Variants in WDFY3 observed in about 807,000 individuals in gnomAD.
WDFY3 encodes WD repeat and FYVE domain containing 3.
WDFY3 carries 66 observed loss-of-function variants against 409.6 expected under a neutral mutation model. That is an observed-to-expected ratio of 0.16 (90% CI 0.13 to 0.20). The LOEUF (loss-of-function observed/expected upper bound fraction) is 0.20, where lower values mean the gene tolerates loss of function less well. Ranked by LOEUF, WDFY3 falls within the 10% of genes least tolerant of loss-of-function variation. The pLI is 1.00. For synonymous variants in WDFY3, 1,521 were observed against 1,537.1 expected, an observed-to-expected ratio of 0.99 and a Z score of 0.25; for missense variants, 3,031 against 4,298.1, an observed-to-expected ratio of 0.71 and a Z score of 8.24.
chr4:84,902,237 C>G (rs1299326560), intron 2 of WDFY3, among the ~76,000 whole-genome samples: 1 of 152,146 alleles, frequency 6.6e-6, no homozygotes, highest in East Asian at 1.9e-4. Context: ...CATGAGAAAT[C>G]TGTAAACTGT....
At chr4:84,674,970 A>G (rs1323152111) in intron 67 of WDFY3, among the ~76,000 whole-genome samples, 1 of 149,856 alleles carries the variant, frequency 6.7e-6, no homozygotes, top group Non-Finnish European at 1.5e-5. Context: ...TTTTAAATTT[A>G]TTATCTATTT....
intron 24 of WDFY3, among the ~76,000 whole-genome samples, chr4:84,784,186 A>G (rs541450118): frequency 2.6e-5 from 4 of 152,226 alleles, no homozygotes; most frequent in South Asian, 2.1e-4. Context: ...CCCCAACTCC[A>G]TAACACTGGA....
rs113458286 is a variant in WDFY3, at chr4:84,943,068, C to T, written c.-225-10705G>A. Reference sequence around the variant, plus strand: ...ATCAACTACTCCTCTCTTCCTCCTCCTCTTCGGCCAACTCAGTGTGAAGAC... The same window carrying T: ...ATCAACTACTCCTCTCTTCCTCCTCTTCTTCGGCCAACTCAGTGTGAAGAC... On this transcript the variant is annotated intron_variant, in intron 1 of 67. Coordinates refer to ENST00000295888, the MANE Select transcript of WDFY3 (RefSeq NM_014991.6). Among the ~76,000 whole-genome samples, 66 of 152,354 alleles carry T rather than the reference C, an allele frequency of 4.3e-4. 1 individual carries two copies. The highest frequency in any genetic ancestry group is 1.4e-3 in the African/African-American group (58 of 41,578).
rs1725287643 is a variant in WDFY3 at position 84,670,442 on chromosome 4, A to G, written c.*2426T>C. The G allele has an allele frequency of 6.5e-6, 1 of 152,686 alleles. No homozygotes were observed. Among genetic ancestry groups the G allele is most frequent in the African/African-American group, 2.4e-5 (1 of 41,466 alleles). The allele number at this position is 152,686 out of a possible 1,614,324, so 9.5% of individuals were successfully genotyped here. The stretch of plus-strand genomic sequence containing the variant: ...TGTTGATTTCTGCATTAGAGGCAAA[A>G]AGAAAAGAAACCCGATTGAACAAAA... On this transcript the variant is annotated 3_prime_UTR_variant, in exon 68 of 68. Transcript: ENST00000295888.
At chr4:84,927,281 G>A (rs995652427) in intron 2 of WDFY3, among the ~76,000 whole-genome samples, 2 of 151,816 alleles carry the variant, frequency 1.3e-5, no homozygotes, top group Non-Finnish European at 2.9e-5. Flanking sequence ...GATATTCTTA[G>A]ACTAAATTTA....
Position 84,889,598 on chromosome 4 carries a change from ATATGAATTTCAAATTCTGTTCC to A in WDFY3, c.-32+7291_-32+7312del, listed in dbSNP as rs567019304. ...GCAAAAAAGTTCTGGTGTCAGGCAG[ATATGAATTTCAAATTCTGTTCC>A]TATGAATTTCAAATTCTGTTCCTCC... On this transcript the variant is annotated intron_variant, in intron 3 of 67. Coordinates refer to ENST00000295888, the MANE Select transcript of WDFY3 (RefSeq NM_014991.6). Among the ~76,000 whole-genome samples, 272 of 152,340 alleles carry A rather than the reference ATATGAATTTCAAATTCTGTTCC, an allele frequency of 1.8e-3. 2 individuals carry two copies. The highest frequency in any genetic ancestry group is 5.4e-3 in the African/African-American group (225 of 41,596).
intron 2 of WDFY3, among the ~76,000 whole-genome samples, chr4:84,921,419 T>TATA (rs1174065500): frequency 6.6e-6 from 1 of 152,016 alleles, no homozygotes; most frequent in Non-Finnish European, 1.5e-5. Context: ...ACTCTATTAG[T>TATA]AAAACAGAGA....
chr4:84,869,364 G>A (rs548257607), intron 3 of WDFY3, among the ~76,000 whole-genome samples: 21 of 151,924 alleles, frequency 1.4e-4, no homozygotes, highest in Non-Finnish European at 2.4e-4. Flanking sequence ...GTATCTTCAC[G>A]CCCCCTGCAT....
intron 27 of WDFY3, among the ~76,000 whole-genome samples, chr4:84,775,732 G>A (rs1457971939): frequency 6.6e-6 from 1 of 151,536 alleles, no homozygotes; most frequent in Non-Finnish European, 1.5e-5. Context: ...ATTCAAATGT[G>A]ATGAAAATGA....
intron 10 of WDFY3, 128 bp downstream of exon 10, chr4:84,826,686 AC>A (rs1319780671): frequency 2.2e-5 from 20 of 915,920 alleles, no homozygotes; most frequent in Middle Eastern, 7.7e-4. Flanking sequence ...TAAAAAAAAA[AC>A]AAGCTTTAAG....
chr4:84,860,677 C>A, intron 3 of WDFY3, 55 bp from the exon 4 acceptor site: 2 of 1,379,966 alleles, frequency 1.4e-6, no homozygotes, highest in Admixed American at 2.7e-5. Flanking sequence ...TTGACTAGGT[C>A]AAGCATGCAT....
At chr4:84,875,305 C>T (rs185750144) in intron 3 of WDFY3, among the ~76,000 whole-genome samples, 2 of 144,464 alleles carry the variant, frequency 1.4e-5, no homozygotes, top group African/African-American at 5.0e-5. Flanking sequence ...CACACACACA[C>T]AGAACATACA....
In WDFY3 at chr4:84,757,835, G is replaced by A. The variant is rs375734514; in HGVS notation, c.5189-674C>T. ...TAACCTTAAATTACCTATGAATTTAGAGACAAGACTAAATGAGTAAGTAAA... is the reference window on the plus strand; with the variant it reads ...TAACCTTAAATTACCTATGAATTTAAAGACAAGACTAAATGAGTAAGTAAA... On this transcript the variant is annotated intron_variant, in intron 32 of 67. Transcript: ENST00000295888. Among the ~76,000 whole-genome samples the A allele has an allele frequency of 2.3e-4, 35 of 152,260 alleles. No individual in the cohort carries two copies. In the East Asian group the frequency reaches 3.1e-3, roughly 13 times the overall value.
chr4:84,690,399 A>T lies in WDFY3; in HGVS notation c.9363+107T>A, dbSNP rs959798053. ...ACAGAACGTCACTTTGGTTTTGTCC[A>T]TTAGATCTGAAGTACCTCAGAATTA... On this transcript the variant is annotated intron_variant, in intron 61 of 67. Coordinates refer to ENST00000295888, the MANE Select transcript of WDFY3 (RefSeq NM_014991.6). 4 of 1,501,866 alleles carry T rather than the reference A, an allele frequency of 2.7e-6. No individual in the cohort carries two copies. In the Admixed American group the frequency reaches 8.0e-5, roughly 30 times the overall value. The allele number at this position is 1,501,866 out of a possible 1,614,324, so 93.0% of individuals were successfully genotyped here.
intron 63 of WDFY3, chr4:84,682,678 T>A (rs954006157): frequency 2.6e-5 from 14 of 536,470 alleles, no homozygotes; most frequent in Admixed American, 1.6e-4. Flanking sequence ...AAGATTATAG[T>A]CATATTAGTT....
At chr4:84,965,563 T>C (rs1775533279) in intron 1 of WDFY3, 1 of 152,234 alleles carries the variant, frequency 6.6e-6, no homozygotes, top group Non-Finnish European at 1.5e-5. Context: ...AGGTCTCATC[T>C]GCTTCTTAAA....
intron 63 of WDFY3, among the ~76,000 whole-genome samples, chr4:84,683,359 A>G (rs1455322175): frequency 1.3e-5 from 2 of 152,224 alleles, no homozygotes; most frequent in Non-Finnish European, 2.9e-5. Flanking sequence ...ACAATTAAAG[A>G]AAAACAAGCA....
intron 18 of WDFY3, 33 bp downstream of exon 18, chr4:84,797,963 A>G: frequency 6.5e-7 from 1 of 1,529,922 alleles, no homozygotes; most frequent in East Asian, 2.3e-5. Context: ...TTCATTCATA[A>G]AATAAATCAA....
At chr4:84,723,059 G>T (rs1265420062) in intron 46 of WDFY3, among the ~76,000 whole-genome samples, 2 of 152,210 alleles carry the variant, frequency 1.3e-5, no homozygotes, top group Non-Finnish European at 2.9e-5. Flanking sequence ...GGCCAGAGAA[G>T]TTAAAAGCCA....
Sources: allele counts gnomAD v4.1 joint callset (sites outside exome capture counted in the v4.1 genomes callset), GRCh38; gene constraint gnomAD v4.1.1; transcripts MANE v1.5; gene names NCBI Gene and HGNC (gene_info 2026-07-23, HGNC 2026-07-21).